Variants in TTC39B observed in about 807,000 individuals in gnomAD.
TTC39B encodes the protein tetratricopeptide repeat protein 39B.
In TTC39B, 92 loss-of-function variants were observed where a neutral mutation model predicts 96.6. The ratio of observed to expected loss-of-function variants is 0.95; its 90% CI spans 0.80 to 1.13. The LOEUF is 1.13. TTC39B is among the 50% of genes most tolerant of loss of function. The probability of loss-of-function intolerance (pLI) is 0.00; values close to 1 mark genes in which losing one functional copy is unlikely to be tolerated. For missense variants in TTC39B, 955 were observed against 809.3 expected, an observed-to-expected ratio of 1.18 and a Z score of -2.18; for synonymous variants, 367 against 299.4, an observed-to-expected ratio of 1.23 and a Z score of -2.33.
At chr9:15,256,432 A>G (rs1822754021) in intron 2 of TTC39B, among the ~76,000 whole-genome samples, 2 of 152,104 alleles carry the variant, frequency 1.3e-5, no homozygotes, top group Admixed American at 1.3e-4. Context: ...TCACACATTC[A>G]TTTTTTCAAC....
At chr9:15,268,352 T>G (rs1385357814) in intron 1 of TTC39B, among the ~76,000 whole-genome samples, 1 of 152,108 alleles carries the variant, frequency 6.6e-6, no homozygotes, top group Admixed American at 6.5e-5. Flanking sequence ...GGGCCTTCAT[T>G]TCACATATTG....
chr9:15,241,116 ATG>A (rs758030454), intron 2 of TTC39B, among the ~76,000 whole-genome samples: 4 of 152,332 alleles, frequency 2.6e-5, no homozygotes, highest in Admixed American at 6.5e-5. Flanking sequence ...CATGAGGCCC[ATG>A]TGAATGTGAT....
chr9:15,239,410 G>A lies in TTC39B; in HGVS notation c.276-13398C>T, dbSNP rs75285333. On this transcript the variant is annotated intron_variant, in intron 2 of 19. Coordinates refer to ENST00000512701, the Ensembl canonical transcript of TTC39B. ...TACCATTTGAGACAGCAATCCCACT[G>A]CCTGGTATCTACCCAAAGGAAAAGA... Among the ~76,000 whole-genome samples, 1,360 of 152,296 alleles carry A rather than the reference G, an allele frequency of 8.9e-3. 27 individuals carry two copies. The highest frequency in any genetic ancestry group is 0.03 in the African/African-American group (1,252 of 41,554).
Position 15,290,703 on chromosome 9 carries a change from G to C in TTC39B, c.240+16381C>G, listed in dbSNP as rs80304440. Among the ~76,000 whole-genome samples, 1,016 of 152,326 alleles carry C rather than the reference G, an allele frequency of 6.7e-3. 10 individuals carry two copies. The highest frequency in any genetic ancestry group is 8.2e-3 in the Non-Finnish European group (555 of 68,038). On this transcript the variant is annotated intron_variant, in intron 1 of 19. Coordinates refer to ENST00000512701, the Ensembl canonical transcript of TTC39B. ...CTTTCACATGTAACATGTGGATCCAGTGAACGCTAATCAAAGCCTCACAAG... is the reference window on the plus strand; with the variant it reads ...CTTTCACATGTAACATGTGGATCCACTGAACGCTAATCAAAGCCTCACAAG...
intron 1 of TTC39B, among the ~76,000 whole-genome samples, chr9:15,288,852 C>G (rs554181050): frequency 1.3e-5 from 2 of 152,238 alleles, no homozygotes; most frequent in African/African-American, 2.4e-5. Flanking sequence ...TGTGCTCCCC[C>G]ACCCATAAGG....
chr9:15,176,736 G>A (rs1453681191), intron 18 of TTC39B, among the ~76,000 whole-genome samples: 1 of 152,058 alleles, frequency 6.6e-6, no homozygotes, highest in African/African-American at 2.4e-5. Context: ...TGAGGAGTGT[G>A]GCTACACTCT....
chr9:15,229,380 T>C (rs1357259825), intron 2 of TTC39B, among the ~76,000 whole-genome samples: 1 of 152,218 alleles, frequency 6.6e-6, no homozygotes, highest in Non-Finnish European at 1.5e-5. Flanking sequence ...CTAGGGAGTA[T>C]ATATCTTGTT....
intron 2 of TTC39B, among the ~76,000 whole-genome samples, chr9:15,234,612 G>A (rs1422671420): frequency 1.3e-5 from 2 of 152,154 alleles, no homozygotes; most frequent in African/African-American, 4.8e-5. Context: ...GGAAAAGATT[G>A]AGAAATCGGA....
At chr9:15,272,473 A>C (rs75119098) in intron 1 of TTC39B, among the ~76,000 whole-genome samples, 5,137 of 152,234 alleles carry the variant, frequency 0.034, 287 homozygotes, top group African/African-American at 0.12. Context: ...ACAAATACAA[A>C]GTGTTACAGG....
In TTC39B at chr9:15,252,388, C is replaced by T. The variant is rs532998323; in HGVS notation, c.275+15526G>A. Among the ~76,000 whole-genome samples the T allele has an allele frequency of 5.9e-5, 9 of 152,294 alleles. No homozygotes were observed. The South Asian group carries it at 1.9e-3, about 32-fold the overall frequency. On this transcript the variant is annotated intron_variant, in intron 2 of 19. Coordinates refer to ENST00000512701, the Ensembl canonical transcript of TTC39B. ...GGTGGGCCGGGCGCAGTGGCTCACG[C>T]CTGTAATCCCAGCACTTTGGGAGGC... is the stretch of plus-strand genomic sequence containing the variant.
chr9:15,167,540 G>C (rs1817552096), exon 20 of TTC39B: 1 of 152,250 alleles, frequency 6.6e-6, no homozygotes, highest in African/African-American at 2.4e-5. Flanking sequence ...ATCACCTGAA[G>C]TTGGGAGTTC....
chr9:15,180,337 TTAGTCAAAGTG>T lies in TTC39B; in HGVS notation c.1723+1959_1723+1969del, dbSNP rs377764378. Among the ~76,000 whole-genome samples the T allele has an allele frequency of 1.2e-3, 185 of 152,314 alleles. 2 individuals carry two copies. The highest frequency in any genetic ancestry group is 5.3e-4 in the Non-Finnish European group (36 of 68,016). ...TTGCTATATAATTTCATTAAGCAAA[TTAGTCAAAGTG>T]GAACTTCTGGTTACATGTTGAATTT... On this transcript the variant is annotated intron_variant, in intron 17 of 19. Transcript: ENST00000512701.
chr9:15,205,092 C>A (rs1385717790), intron 6 of TTC39B, among the ~76,000 whole-genome samples: 2 of 152,210 alleles, frequency 1.3e-5, no homozygotes, highest in Non-Finnish European at 2.9e-5. Context: ...CGTCCCCTCT[C>A]TGCTGGTTTC....
chr9:15,210,071 T>A lies in TTC39B; in HGVS notation c.691+17A>T. ...ATTAAAATCAAGGAAAAAAGTGATC[T>A]TTTAAATGACTTTTACCTTCACTCA... On this transcript the variant is annotated intron_variant, in intron 6 of 19. Transcript: ENST00000512701. 1 of 1,570,406 alleles carries A rather than the reference T, an allele frequency of 6.4e-7. No homozygotes were observed. Among genetic ancestry groups the A allele is most frequent in the Non-Finnish European group, 8.7e-7 (1 of 1,153,758 alleles).
Position 15,176,688 on chromosome 9 carries a change from T to C in TTC39B, c.1841+1009A>G, listed in dbSNP as rs1817956494. Among the ~76,000 whole-genome samples, 3 of 152,170 alleles carry C rather than the reference T, an allele frequency of 2.0e-5. No individual in the cohort carries two copies. The South Asian group carries it at 6.2e-4, about 32-fold the overall frequency. The stretch of plus-strand genomic sequence containing the variant: ...TGAAAAATGGTAGGGATTATTGCTA[T>C]TGGGCCCACACTGTGCAAAGCAATA... On this transcript the variant is annotated intron_variant, in intron 18 of 19. Transcript: ENST00000512701.
chr9:15,284,077 G>A (rs937972616), intron 1 of TTC39B, among the ~76,000 whole-genome samples: 3 of 152,018 alleles, frequency 2.0e-5, no homozygotes, highest in East Asian at 1.9e-4. Flanking sequence ...AATAAACAAA[G>A]AACACTCCTA....
At chr9:15,284,573 T>C (rs560630512) in intron 1 of TTC39B, among the ~76,000 whole-genome samples, 79 of 152,328 alleles carry the variant, frequency 5.2e-4, no homozygotes, top group African/African-American at 1.9e-3. Flanking sequence ...CTCTAAAATA[T>C]ATTAAGTGAA....
At chr9:15,208,408 C>T (rs959475351) in intron 6 of TTC39B, among the ~76,000 whole-genome samples, 14 of 152,002 alleles carry the variant, frequency 9.2e-5, no homozygotes, top group African/African-American at 9.7e-5. Context: ...AAATATCAGC[C>T]TTCATACTAA....
At position 15,306,103 on chromosome 9, in the gene TTC39B, CCAG is replaced by C. The variant is rs1824744209; in HGVS notation, c.240+978_240+980del. Among the ~76,000 whole-genome samples, 1 of 152,214 alleles carries C rather than the reference CCAG, an allele frequency of 6.6e-6. No individual in the cohort carries two copies. On this transcript the variant is annotated intron_variant, in intron 1 of 19. Transcript: ENST00000512701. The surrounding 1 kb of genome is among the most constrained non-coding windows in gnomAD (Gnocchi z 5.1). ...TGGACGGGAAACTTAACCGCCTCCTCCAGATCGTCCACTATTGCATCATTTGAA... is the reference window on the plus strand; with the variant it reads ...TGGACGGGAAACTTAACCGCCTCCTCATCGTCCACTATTGCATCATTTGAA...
Sources: gnomAD v4.1 joint callset for allele counts (sites outside exome capture counted in the v4.1 genomes callset) on GRCh38, gnomAD v4.1.1 for gene constraint, Gnocchi (gnomAD v3.1) non-coding constraint, MANE v1.5 for transcripts, NCBI Gene and HGNC (gene_info 2026-07-23, HGNC 2026-07-21) for gene names.